Variants in FSTL4 observed in about 807,000 individuals in gnomAD.
FSTL4 encodes the protein follistatin-related protein 4.
In FSTL4, 28 loss-of-function variants were observed where a neutral mutation model predicts 78.2. The ratio of observed to expected loss-of-function variants is 0.36; its 90% confidence interval spans 0.27 to 0.49. The LOEUF (loss-of-function observed/expected upper bound fraction) is 0.49, where lower values mean the gene tolerates loss of function less well. Among genes scored for constraint, FSTL4 ranks in the 20% least tolerant of loss-of-function variants. The pLI is 0.98. For synonymous variants in FSTL4, 422 were observed against 440.5 expected (o/e 0.96, Z 0.53); for missense variants, 922 against 1,084.9 (o/e 0.85, Z 2.11).
intron 6 of FSTL4, among the ~76,000 whole-genome samples, chr5:133,270,348 G>A (rs1264020771): frequency 6.6e-6 from 1 of 152,092 alleles, no homozygotes; most frequent in East Asian, 1.9e-4. Context: ...ATTAAGTTGC[G>A]GAGAGCGTGT....
At chr5:133,835,173 T>C in the FSTL4 span, among the ~76,000 whole-genome samples, 1 of 152,200 alleles carries the variant, frequency 6.6e-6, no homozygotes, top group African/African-American at 2.4e-5. Context: ...CATCACTGCA[T>C]GGATGAACAG....
chr5:133,505,604 A>G (rs1758597216), intron 3 of FSTL4, among the ~76,000 whole-genome samples: 1 of 152,236 alleles, frequency 6.6e-6, no homozygotes. Context: ...CAGGATTTTT[A>G]TTTCCACTGG....
intron 4 of FSTL4, among the ~76,000 whole-genome samples, chr5:133,320,389 G>A: frequency 6.6e-6 from 1 of 152,118 alleles, no homozygotes; most frequent in African/African-American, 2.4e-5. Context: ...TGGGCATTTT[G>A]GACACCACCG....
chr5:133,480,612 G>T (rs941457369), intron 3 of FSTL4, among the ~76,000 whole-genome samples: 1 of 152,056 alleles, frequency 6.6e-6, no homozygotes, highest in African/African-American at 2.4e-5. Flanking sequence ...CTCCTGGAGA[G>T]AGGGTGACAG....
chr5:133,839,437 T>C, the FSTL4 span, among the ~76,000 whole-genome samples: 1 of 152,256 alleles, frequency 6.6e-6, no homozygotes, highest in East Asian at 1.9e-4. Flanking sequence ...AGATTCATAA[T>C]GCATATTAGC....
In FSTL4 at chr5:133,199,028, A is replaced by G; in HGVS notation, c.*67T>C. 1 of 996,444 alleles carries G rather than the reference A, an allele frequency of 1.0e-6. No individual in the cohort carries two copies. Among genetic ancestry groups the G allele is most frequent in the Non-Finnish European group, 1.5e-6 (1 of 680,250 alleles). The allele number at this position is 996,444 out of a possible 1,614,324, so 61.7% of individuals were successfully genotyped here. On this transcript the variant is annotated 3_prime_UTR_variant, in exon 16 of 16. Transcript: ENST00000265342. The surrounding 1 kb of genome is among the most constrained non-coding windows in gnomAD (Gnocchi z 4.4). ...TTTTGTCTGTAAAAATGTACAGCGTACCTGCTTGAGGCTGCAGTGTCAGGA... is the reference window on the plus strand; with the variant it reads ...TTTTGTCTGTAAAAATGTACAGCGTGCCTGCTTGAGGCTGCAGTGTCAGGA...
intron 6 of FSTL4, among the ~76,000 whole-genome samples, chr5:133,268,839 C>A (rs1005518063): frequency 1.3e-5 from 2 of 152,078 alleles, no homozygotes; most frequent in African/African-American, 2.4e-5. Context: ...ACCTGAATAT[C>A]CATCATCAGG....
chr5:133,577,145 T>A (rs1760301583), intron 2 of FSTL4, among the ~76,000 whole-genome samples: 1 of 152,180 alleles, frequency 6.6e-6, no homozygotes, highest in Non-Finnish European at 1.5e-5. Context: ...GCACACCATG[T>A]CTGGGTCTTC....
the FSTL4 span, among the ~76,000 whole-genome samples, chr5:133,825,212 C>T: frequency 6.6e-6 from 1 of 152,146 alleles, no homozygotes; most frequent in African/African-American, 2.4e-5. Flanking sequence ...GAAGGACACA[C>T]CCCCCAGAAA....
chr5:133,397,938 C>G (rs1756112534), intron 4 of FSTL4, among the ~76,000 whole-genome samples: 1 of 152,150 alleles, frequency 6.6e-6, no homozygotes, highest in African/African-American at 2.4e-5. Context: ...AAAATTGGGA[C>G]AAATGACAAA....
At chr5:133,208,022 C>T (rs553858104) in intron 14 of FSTL4, 2 of 152,292 alleles carry the variant, frequency 1.3e-5, no homozygotes, top group Admixed American at 6.5e-5. Context: ...TTGTCTCTCT[C>T]CTCATTCAAA....
At chr5:133,240,255 C>T (rs969701373) in intron 7 of FSTL4, among the ~76,000 whole-genome samples, 1 of 152,232 alleles carries the variant, frequency 6.6e-6, no homozygotes, top group African/African-American at 2.4e-5. Flanking sequence ...TCCGCGGCTT[C>T]ATTCTTGAAG....
At chr5:133,514,039 C>T (rs1428503598) in intron 3 of FSTL4, among the ~76,000 whole-genome samples, 1 of 151,702 alleles carries the variant, frequency 6.6e-6, no homozygotes, top group Non-Finnish European at 1.5e-5. Context: ...ATTAGCCAGG[C>T]GTAGTGGTGG....
the FSTL4 span, among the ~76,000 whole-genome samples, chr5:133,788,422 G>A: frequency 6.6e-6 from 1 of 152,184 alleles, no homozygotes; most frequent in African/African-American, 2.4e-5. Flanking sequence ...GCTCACACGA[G>A]GCCTAAAATG....
chr5:133,650,200 T>C, the FSTL4 span, among the ~76,000 whole-genome samples: 1 of 144,660 alleles, frequency 6.9e-6, no homozygotes, highest in Non-Finnish European at 1.5e-5. Flanking sequence ...TCATGAAGGA[T>C]TCACCCCCAT....
chr5:133,488,925 A>T (rs1758199356), intron 3 of FSTL4, among the ~76,000 whole-genome samples: 1 of 152,116 alleles, frequency 6.6e-6, no homozygotes, highest in African/African-American at 2.4e-5. Context: ...AGAGCCTGAA[A>T]ACTCCAAAGC....
intron 3 of FSTL4, among the ~76,000 whole-genome samples, chr5:133,517,510 C>CACACAA (rs1491432421): frequency 0.02 from 2,346 of 117,906 alleles, 61 homozygotes; most frequent in Non-Finnish European, 0.031. Context: ...CACACACACA[C>CACACAA]AAACTGAAAG....
chr5:133,761,391 G>A, the FSTL4 span, among the ~76,000 whole-genome samples: 5 of 151,946 alleles, frequency 3.3e-5, no homozygotes, highest in Non-Finnish European at 7.4e-5. Context: ...TAACATTCTC[G>A]GTAAATAAAA....
intron 6 of FSTL4, among the ~76,000 whole-genome samples, chr5:133,291,894 G>A (rs1244307242): frequency 1.3e-5 from 2 of 152,182 alleles, no homozygotes; most frequent in African/African-American, 4.8e-5. Context: ...AGAGGGCTGT[G>A]GGCCATAGGG....
Sources: allele counts gnomAD v4.1 joint callset (sites outside exome capture counted in the v4.1 genomes callset), GRCh38; gene constraint gnomAD v4.1.1; non-coding constraint Gnocchi (gnomAD v3.1); transcripts MANE v1.5; gene names NCBI Gene and HGNC (gene_info 2026-07-23, HGNC 2026-07-21).